KIAA0825: variants seen among roughly 807,000 people sequenced by gnomAD.
The protein encoded by KIAA0825 is uncharacterized protein KIAA0825.
A neutral mutation model predicts 147.6 loss-of-function variants in KIAA0825; 119 were observed. That is an observed-to-expected ratio of 0.81 (90% CI 0.69 to 0.94). KIAA0825 has a LOEUF of 0.94. Among genes scored for constraint, KIAA0825 ranks in the 40% least tolerant of loss-of-function variants. The probability of loss-of-function intolerance (pLI) is 0.00; values close to 1 mark genes in which losing one functional copy is unlikely to be tolerated. For missense variants in KIAA0825, 1,381 were observed against 1,472.7 expected (o/e 0.94, Z 1.02); for synonymous variants, 470 against 518.1 (o/e 0.91, Z 1.26).
At chr5:94,602,467 T>C (rs1786666782) in intron 1 of KIAA0825, among the ~76,000 whole-genome samples, 1 of 152,206 alleles carries the variant, frequency 6.6e-6, no homozygotes, top group Non-Finnish European at 1.5e-5. Flanking sequence ...AGTTTGGCTG[T>C]GTCCCCATCC....
intron 20 of KIAA0825, among the ~76,000 whole-genome samples, chr5:94,363,179 T>C (rs1018346437): frequency 2.6e-5 from 4 of 151,884 alleles, no homozygotes; most frequent in African/African-American, 9.7e-5. Context: ...GTTTTCTTTT[T>C]TTTTTTTTTT....
intron 20 of KIAA0825, among the ~76,000 whole-genome samples, chr5:94,384,023 A>G (rs1224716146): frequency 1.3e-5 from 2 of 152,204 alleles, no homozygotes; most frequent in Non-Finnish European, 1.5e-5. Context: ...GTTCAAGTCA[A>G]TAACTTTTGG....
intron 5 of KIAA0825, among the ~76,000 whole-genome samples, chr5:94,516,307 G>A (rs1767219984): frequency 6.6e-6 from 1 of 152,090 alleles, no homozygotes; most frequent in Non-Finnish European, 1.5e-5. Context: ...CCAACTGGTA[G>A]AATAACATAG....
intron 14 of KIAA0825, among the ~76,000 whole-genome samples, chr5:94,432,238 A>G (rs766814597): frequency 4.6e-5 from 7 of 152,220 alleles, no homozygotes; most frequent in Non-Finnish European, 7.3e-5. Flanking sequence ...CGGGAGCAGC[A>G]TCACCTGGGA....
At chr5:94,273,305 T>C (rs532082550) in intron 20 of KIAA0825, among the ~76,000 whole-genome samples, 2 of 152,326 alleles carry the variant, frequency 1.3e-5, no homozygotes, top group South Asian at 4.1e-4. Flanking sequence ...CGGAGAGGCA[T>C]TTATTAATAT....
intron 20 of KIAA0825, among the ~76,000 whole-genome samples, chr5:94,204,772 A>G (rs1399881363): frequency 6.6e-6 from 1 of 152,180 alleles, no homozygotes; most frequent in Non-Finnish European, 1.5e-5. Context: ...CCTCTCCTCT[A>G]CAGGGGGCAG....
At chr5:94,504,506 A>C (rs758318937) in intron 5 of KIAA0825, among the ~76,000 whole-genome samples, 10 of 152,206 alleles carry the variant, frequency 6.6e-5, no homozygotes, top group Non-Finnish European at 1.5e-4. Context: ...TTTGTGTCCC[A>C]AGTGGCATGA....
At chr5:94,160,357 A>AAT (rs1191427859) in intron 20 of KIAA0825, among the ~76,000 whole-genome samples, 3 of 151,006 alleles carry the variant, frequency 2.0e-5, no homozygotes, top group Non-Finnish European at 4.4e-5. Flanking sequence ...ATCAATATTA[A>AAT]ATATATATAC....
chr5:94,596,361 T>C (rs759274852), intron 1 of KIAA0825, among the ~76,000 whole-genome samples: 6 of 152,216 alleles, frequency 3.9e-5, no homozygotes, highest in Non-Finnish European at 8.8e-5. Context: ...TGCTTGTTCT[T>C]GTCAACTTTG....
At chr5:94,528,657 A>G (rs1769856747) in intron 3 of KIAA0825, among the ~76,000 whole-genome samples, 1 of 152,142 alleles carries the variant, frequency 6.6e-6, no homozygotes, top group Non-Finnish European at 1.5e-5. Flanking sequence ...CTCATAAACT[A>G]GTGACAGAAG....
intron 5 of KIAA0825, among the ~76,000 whole-genome samples, chr5:94,485,359 TA>T (rs1268056790): frequency 6.6e-6 from 1 of 151,816 alleles, no homozygotes; most frequent in Non-Finnish European, 1.5e-5. Flanking sequence ...TGACCTAGTC[TA>T]AAGGAGTCTA....
chr5:94,561,076 C>T (rs1777476039), intron 2 of KIAA0825, among the ~76,000 whole-genome samples: 2 of 152,180 alleles, frequency 1.3e-5, no homozygotes, highest in African/African-American at 4.8e-5. Context: ...ACTTTCAGCT[C>T]CACTCCCTCT....
chr5:94,464,246 T>C (rs1300953416), intron 11 of KIAA0825, among the ~76,000 whole-genome samples: 3 of 152,252 alleles, frequency 2.0e-5, no homozygotes, highest in African/African-American at 7.2e-5. Context: ...AATTCATATA[T>C]TCATTGCCTA....
chr5:94,205,209 A>G (rs925322511), intron 20 of KIAA0825, among the ~76,000 whole-genome samples: 1 of 139,216 alleles, frequency 7.2e-6, no homozygotes, highest in Admixed American at 7.2e-5. Context: ...GGTATGTGTA[A>G]TTATTTTTAC....
intron 5 of KIAA0825, among the ~76,000 whole-genome samples, chr5:94,499,312 C>T (rs975972795): frequency 4.6e-5 from 7 of 152,144 alleles, no homozygotes; most frequent in African/African-American, 1.7e-4. Flanking sequence ...GAACATCCCT[C>T]ATGTTGAAAT....
At chr5:94,539,136 G>A (rs1460763366) in intron 2 of KIAA0825, among the ~76,000 whole-genome samples, 1 of 152,154 alleles carries the variant, frequency 6.6e-6, no homozygotes, top group Non-Finnish European at 1.5e-5. Context: ...ATGGCCATGA[G>A]AGTAACCTCA....
At chr5:94,499,159 T>G (rs1001720604) in intron 5 of KIAA0825, among the ~76,000 whole-genome samples, 2 of 152,124 alleles carry the variant, frequency 1.3e-5, no homozygotes, top group Non-Finnish European at 2.9e-5. Flanking sequence ...GGAGCTGGGA[T>G]GGAGAGTGGG....
intron 2 of KIAA0825, among the ~76,000 whole-genome samples, chr5:94,573,945 G>C (rs1037399793): frequency 1.3e-5 from 2 of 152,064 alleles, no homozygotes; most frequent in Non-Finnish European, 2.9e-5. Flanking sequence ...TAGAAATTTG[G>C]GCAAGATAAA....
chr5:94,155,579 G>C (rs1211545876), intron 20 of KIAA0825, among the ~76,000 whole-genome samples: 1 of 152,044 alleles, frequency 6.6e-6, no homozygotes, highest in Non-Finnish European at 1.5e-5. Context: ...GGCCAGTCCT[G>C]GCAGTCATAT....
Sources: gnomAD v4.1 joint callset for allele counts (sites outside exome capture counted in the v4.1 genomes callset) on GRCh38, gnomAD v4.1.1 for gene constraint, MANE v1.5 for transcripts, NCBI Gene and HGNC (gene_info 2026-07-23, HGNC 2026-07-21) for gene names.